Variants in PPP3CB observed in about 807,000 individuals in gnomAD.
PPP3CB encodes the protein serine/threonine-protein phosphatase 2B catalytic subunit beta isoform.
A neutral mutation model predicts 66.4 loss-of-function variants in PPP3CB; 8 were observed. The observed-to-expected ratio is 0.12, with a 90% CI of 0.07 to 0.22. The LOEUF (loss-of-function observed/expected upper bound fraction) is 0.22, where lower values mean the gene tolerates loss of function less well. PPP3CB is among the 10% of genes least tolerant of loss of function. The pLI, the probability that PPP3CB is intolerant of heterozygous loss-of-function variation, is 1.00. For synonymous variants in PPP3CB, 208 were observed against 221.2 expected (o/e 0.94, Z 0.53); for missense variants, 319 against 642.5 (o/e 0.50, Z 5.44).
chr10:73,455,676 C>T (rs1179822238), intron 9 of PPP3CB, among the ~76,000 whole-genome samples: 1 of 152,190 alleles, frequency 6.6e-6, no homozygotes, highest in Non-Finnish European at 1.5e-5. Flanking sequence ...TCACGCCATT[C>T]TCCTGCCTCA....
In PPP3CB at chr10:73,438,212, G is replaced by A; in HGVS notation, c.*30C>T. On this transcript the variant is annotated 3_prime_UTR_variant, in exon 14 of 14. Transcript: ENST00000360663. ...CGGGTGATCTGTCCATTTGGGGCCC[G>A]AGATGTGAGAGTCCCTGGGAAGTAG... The A allele has an allele frequency of 2.5e-6, 4 of 1,600,074 alleles. No homozygotes were observed. Among genetic ancestry groups the A allele is most frequent in the Non-Finnish European group, 3.4e-6 (4 of 1,170,486 alleles).
chr10:73,438,400 G>C lies in PPP3CB; in HGVS notation c.1417C>G (p.Pro473Ala). 6.2e-7 allele frequency: 1 copy of C among 1,611,734 alleles called. No individual in the cohort carries two copies. The highest frequency in any genetic ancestry group is 8.5e-7 in the Non-Finnish European group (1 of 1,177,930). ...AEKAIRGFSP[P>A]HRICSFEEAK... ...TCTTCAAAACTGCAGATTCTATGTG[G>C]TGGAGAGAATCCTCGTATTGCTTAA... Residue 473 changes from proline to alanine, a missense_variant, in exon 14 of 14, where the codon CCA becomes GCA. Transcript: ENST00000360663.
intron 1 of PPP3CB, among the ~76,000 whole-genome samples, chr10:73,481,460 G>C (rs2056876917): frequency 6.7e-6 from 1 of 150,214 alleles, no homozygotes; most frequent in Non-Finnish European, 1.5e-5. Flanking sequence ...TCGACAGTGA[G>C]ACTCCATCAA....
intron 1 of PPP3CB, 75 bp downstream of exon 1, chr10:73,495,730 G>T: frequency 6.6e-7 from 1 of 1,516,386 alleles, no homozygotes; most frequent in Non-Finnish European, 8.9e-7. Context: ...CACTCCCGAG[G>T]GGACGGTCTC....
chr10:73,446,367 T>G, intron 11 of PPP3CB, 125 bp downstream of exon 11: 1 of 878,814 alleles, frequency 1.1e-6, no homozygotes, highest in Non-Finnish European at 1.8e-6. Flanking sequence ...CCCAAAATGC[T>G]GAGATTACAG....
intron 1 of PPP3CB, among the ~76,000 whole-genome samples, chr10:73,491,022 GTTTTTTTTTTTTTTTTTTTTTT>G (rs528238766): frequency 4.9e-5 from 2 of 40,908 alleles, no homozygotes; most frequent in East Asian, 1.0e-3. Context: ...TGTTTTTATT[GTTTTTTTTTTTTTTTTTTTTTT>G]TTTTTTTTGA....
At chr10:73,480,955 T>C (rs1043293047) in intron 1 of PPP3CB, among the ~76,000 whole-genome samples, 1 of 152,162 alleles carries the variant, frequency 6.6e-6, no homozygotes, top group Non-Finnish European at 1.5e-5. Flanking sequence ...AAAATTACTA[T>C]ATAGTAAGTT....
chr10:73,479,050 T>C (rs1034893195), intron 2 of PPP3CB, among the ~76,000 whole-genome samples: 1 of 152,238 alleles, frequency 6.6e-6, no homozygotes, highest in Non-Finnish European at 1.5e-5. Context: ...AAAGTAAGTA[T>C]TGATCAAATT....
rs990320217 is a variant in PPP3CB at position 73,480,040 on chromosome 10, A to G, written c.86-523T>C. Reference sequence around the variant, plus strand: ...TTTAATACCAAATAAGCCTAACTAGAAAGAAAACCCAAATACAAGGTGATT... The same window carrying G: ...TTTAATACCAAATAAGCCTAACTAGGAAGAAAACCCAAATACAAGGTGATT... On this transcript the variant is annotated intron_variant, in intron 1 of 13. Transcript: ENST00000360663. Among the ~76,000 whole-genome samples, 5 of 152,140 alleles carry G rather than the reference A, an allele frequency of 3.3e-5. 1 individual carries two copies. The highest frequency in any genetic ancestry group is 1.2e-4 in the African/African-American group (5 of 41,418).
chr10:73,453,622 C>T (rs1438346811), intron 10 of PPP3CB, among the ~76,000 whole-genome samples: 2 of 152,022 alleles, frequency 1.3e-5, no homozygotes, highest in African/African-American at 4.8e-5. Flanking sequence ...TACCAATATA[C>T]AGACCATGTT....
At chr10:73,453,432 A>AT (rs1202875095) in intron 10 of PPP3CB, among the ~76,000 whole-genome samples, 2 of 151,990 alleles carry the variant, frequency 1.3e-5, no homozygotes, top group African/African-American at 4.8e-5. Flanking sequence ...GTATATATAT[A>AT]TTTTTTTAAT....
chr10:73,468,268 A>G (rs2056649913), intron 8 of PPP3CB, among the ~76,000 whole-genome samples: 1 of 152,180 alleles, frequency 6.6e-6, no homozygotes, highest in Non-Finnish European at 1.5e-5. Flanking sequence ...CTACTAAAAC[A>G]CCAAAAGAGA....
At chr10:73,456,469 A>G (rs968226932) in intron 9 of PPP3CB, among the ~76,000 whole-genome samples, 1 of 152,246 alleles carries the variant, frequency 6.6e-6, no homozygotes, top group African/African-American at 2.4e-5. Flanking sequence ...AACAGAAGTT[A>G]AAAAAGTGAT....
intron 13 of PPP3CB, 42 bp from the exon 14 acceptor site, chr10:73,438,462 A>T: frequency 6.7e-7 from 1 of 1,486,922 alleles, no homozygotes; most frequent in Non-Finnish European, 9.3e-7. Context: ...ATTGAAAAAC[A>T]TTTCTGAGAT....
intron 9 of PPP3CB, among the ~76,000 whole-genome samples, chr10:73,466,407 A>T (rs1255324306): frequency 6.6e-6 from 1 of 152,152 alleles, no homozygotes; most frequent in Non-Finnish European, 1.5e-5. Context: ...CCCATATTAC[A>T]TTAAAACAGT....
At chr10:73,439,842 C>G in intron 13 of PPP3CB, 30 bp downstream of exon 13, 1 of 1,608,408 alleles carries the variant, frequency 6.2e-7, no homozygotes, top group African/African-American at 1.3e-5. Flanking sequence ...CACCACAGAT[C>G]TCTGCCCAGC....
chr10:73,446,456 T>C, intron 11 of PPP3CB, 36 bp downstream of exon 11: 1 of 1,577,934 alleles, frequency 6.3e-7, no homozygotes, highest in Non-Finnish European at 8.7e-7. Context: ...AAACGTAATT[T>C]CTGCAAAACA....
At chr10:73,465,406 G>A (rs191116713) in intron 9 of PPP3CB, among the ~76,000 whole-genome samples, 3 of 152,132 alleles carry the variant, frequency 2.0e-5, no homozygotes, top group African/African-American at 4.8e-5. Flanking sequence ...AAACAGAAAA[G>A]GGGTTCTTGG....
intron 1 of PPP3CB, among the ~76,000 whole-genome samples, chr10:73,494,079 G>C (rs908479727): frequency 2.2e-4 from 34 of 152,244 alleles, no homozygotes; most frequent in African/African-American, 7.9e-4. Context: ...AATACAGTCA[G>C]AAAATGAAGA....
Sources: allele counts gnomAD v4.1 joint callset (sites outside exome capture counted in the v4.1 genomes callset), GRCh38; gene constraint gnomAD v4.1.1; transcripts MANE v1.5; gene names NCBI Gene and HGNC (gene_info 2026-07-23, HGNC 2026-07-21).